SBF1: variants seen among roughly 807,000 people sequenced by gnomAD.
SBF1 encodes SET binding factor 1.
A neutral mutation model predicts 215.8 loss-of-function variants in SBF1; 65 were observed. The observed-to-expected ratio is 0.30, with a 90% CI of 0.25 to 0.37. The LOEUF is 0.37. Among genes scored for constraint, SBF1 ranks in the 10% least tolerant of loss-of-function variants. The pLI is 1.00. For synonymous variants in SBF1, 1,410 were observed against 1,122.8 expected (o/e 1.26, Z -5.11); for missense variants, 2,634 against 2,667.8 (o/e 0.99, Z 0.28).
At chr22:50,467,244 G>A (rs1248532009) in intron 5 of SBF1, 94 bp downstream of exon 5, 2 of 1,031,994 alleles carry the variant, frequency 1.9e-6, no homozygotes, top group East Asian at 4.8e-5. Flanking sequence ...AAGGCCTCCA[G>A]CTGTGTGTGG....
chr22:50,456,943 G>A (rs1489670238), intron 29 of SBF1, 91 bp downstream of exon 29: 43 of 1,094,940 alleles, frequency 3.9e-5, no homozygotes, highest in South Asian at 5.7e-5. Context: ...GGTGTGGAGG[G>A]AGACATTAGT....
chr22:50,460,259 C>T lies in SBF1; in HGVS notation c.3283+13G>A, dbSNP rs763961105. 6.2e-7 allele frequency: 1 copy of T among 1,601,454 alleles called. No homozygotes were observed. Among genetic ancestry groups the T allele is most frequent in the Non-Finnish European group, 8.5e-7 (1 of 1,171,902 alleles). On this transcript the variant is annotated intron_variant, in intron 25 of 40. Transcript: ENST00000380817. ...TCCAGAGACCACCCAGGACTCCACC[C>T]CCACCCCTCCACCTGAGATCTCGTC...
chr22:50,461,328 G>A (rs55969137), intron 22 of SBF1, 42 bp from the exon 23 acceptor site: 4 of 998,822 alleles, frequency 4.0e-6, no homozygotes, highest in Non-Finnish European at 5.0e-6. Context: ...GGAAGGTAAG[G>A]GGGGGGGGGT....
chr22:50,457,309 C>T (rs547124850), intron 28 of SBF1, 198 bp from the exon 29 acceptor site: 17 of 459,276 alleles, frequency 3.7e-5, no homozygotes, highest in Admixed American at 3.0e-4. Context: ...CAGGGCAGGC[C>T]GCAGAGCACT....
intron 28 of SBF1, chr22:50,457,418 G>A: frequency 5.9e-6 from 2 of 339,018 alleles, no homozygotes; most frequent in Non-Finnish European, 1.1e-5. Flanking sequence ...CTGTCTCTGA[G>A]TCCCTCCCTC....
chr22:50,445,842 C>G lies in SBF1; in HGVS notation c.*1300G>C, dbSNP rs1338733589. On this transcript the variant is annotated 3_prime_UTR_variant, in exon 41 of 41. Transcript: ENST00000380817. ...CCACCAGGGGAGGGTCTTGGCCCCC[C>G]ACCTGCCAGCACTGGGCCCTGCCTC... 6.5e-6 allele frequency: 1 copy of G among 152,774 alleles called. No individual in the cohort carries two copies. Among genetic ancestry groups the G allele is most frequent in the Non-Finnish European group, 1.5e-5 (1 of 68,488 alleles). The allele number at this position is 152,774 out of a possible 1,614,324, so 9.5% of individuals were successfully genotyped here. A position where few individuals can be genotyped will look rare whatever the true frequency, so the allele number is the denominator to read the frequency against.
In SBF1 at chr22:50,463,449, G is replaced by A; in HGVS notation, c.1750-17C>T. 5.8e-6 allele frequency: 9 copies of A among 1,553,092 alleles called. No individual in the cohort carries two copies. The highest frequency in any genetic ancestry group is 7.9e-6 in the Non-Finnish European group (9 of 1,146,392). On this transcript the variant is annotated splice_polypyrimidine_tract_variant and intron_variant, in intron 15 of 40. Coordinates refer to ENST00000380817, the MANE Select transcript of SBF1 (RefSeq NM_002972.4). ...TGGGAGCAGCTGGGGGTGGGGAAAG[G>A]AGACACGGGCTGAGGGCACAGAGAA...
In SBF1 at chr22:50,448,585, C is replaced by T. The variant is rs188837124; in HGVS notation, c.5109G>A (p.Arg1703=). ...CCTCGAGGCGCTGTGCAGCCTTCACCCGGTCCCAGGTGTCCTTCCAGCGCT... is the reference window on the plus strand; with the variant it reads ...CCTCGAGGCGCTGTGCAGCCTTCACTCGGTCCCAGGTGTCCTTCCAGCGCT... ...PAERWKDTWD[R]VKAAQRLEGR... The change falls in exon 37 of 41, where the codon CGG becomes CGA. Residue 1703 remains arginine (R), a synonymous_variant. Coordinates refer to ENST00000380817, the MANE Select transcript of SBF1 (RefSeq NM_002972.4). The T allele has an allele frequency of 2.5e-4, 401 of 1,612,160 alleles. 1 individual carries two copies. In the African/African-American group the frequency reaches 4.9e-3, roughly 20 times the overall value.
chr22:50,454,992 C>T (rs1200051147), intron 34 of SBF1, 24 bp downstream of exon 34: 1 of 1,613,882 alleles, frequency 6.2e-7, no homozygotes, highest in Non-Finnish European at 8.5e-7. Context: ...CCCGTGGCTG[C>T]CCCAGCCCCG....
chr22:50,450,850 G>T, intron 36 of SBF1, among the ~76,000 whole-genome samples: 1 of 152,234 alleles, frequency 6.6e-6, no homozygotes, highest in East Asian at 1.9e-4. Context: ...GCTCCCGCCT[G>T]TAAGCCCAGC....
In SBF1 at chr22:50,455,118, A is replaced by T. The variant is rs997328600; in HGVS notation, c.4579T>A (p.Phe1527Ile). ...HQVHLQFPME[F>I]EFSQFYLKFL... is the part of the protein sequence containing the mutation. ...TTGAGGTAGAACTGGCTGAACTCAA[A>T]CTCCATGGGGAACTGCAGGTGGACC... The change falls in exon 34 of 41, where the codon TTT (phenylalanine) becomes ATT (isoleucine). Residue 1527 changes from phenylalanine (F) to isoleucine (I), a missense_variant. Physicochemically the swap from Phe to Ile is conservative, Grantham distance 21. Coordinates refer to ENST00000380817, the MANE Select transcript of SBF1 (RefSeq NM_002972.4). The T allele has an allele frequency of 6.2e-7, 1 of 1,614,042 alleles. No individual in the cohort carries two copies. The highest frequency in any genetic ancestry group is 8.5e-7 in the Non-Finnish European group (1 of 1,180,012).
intron 28 of SBF1, among the ~76,000 whole-genome samples, chr22:50,458,274 CAGCGTGGGTGACAGAGAA>C (rs1456270073): frequency 4.2e-5 from 6 of 141,968 alleles, no homozygotes; most frequent in South Asian, 4.4e-4. Flanking sequence ...CACCGCACTC[CAGCGTGGGTGACAGAGAA>C]AGACTCCGAC....
chr22:50,460,589 C>T lies in SBF1; in HGVS notation c.3091G>A (p.Ala1031Thr). The T allele has an allele frequency of 6.2e-7, 1 of 1,614,126 alleles. No homozygotes were observed. The highest frequency in any genetic ancestry group is 1.1e-5 in the South Asian group (1 of 91,090). Residue 1031 changes from alanine (A) to threonine (T), a missense_variant, in exon 24 of 41, where the codon GCC becomes ACC. Physicochemically the swap from Ala to Thr is moderately conservative, Grantham distance 58 (BLOSUM62 0). Transcript: ENST00000380817. ...CGCGGTGGCCGGCCAGGTGTGTGGG[C>T]AGAGCCCAAGGTGAACGCAAAGGTG... is the stretch of plus-strand genomic sequence containing the variant. The part of the protein sequence containing the change: ...RATFAFTLGS[A>T]HTPGRPPRVT...
intron 1 of SBF1, among the ~76,000 whole-genome samples, chr22:50,473,841 T>C (rs1730255163): frequency 6.6e-6 from 1 of 152,168 alleles, no homozygotes; most frequent in African/African-American, 2.4e-5. Context: ...TCCCAGCCTC[T>C]CTGAGCCGGC....
intron 1 of SBF1, among the ~76,000 whole-genome samples, chr22:50,474,026 T>C (rs1413614817): frequency 6.6e-6 from 1 of 152,182 alleles, no homozygotes; most frequent in East Asian, 1.9e-4. Context: ...CTGTTGCTGA[T>C]GTCATCGTCA....
intron 31 of SBF1, 61 bp from the exon 32 acceptor site, chr22:50,455,643 C>A: frequency 4.3e-6 from 6 of 1,406,852 alleles, no homozygotes; most frequent in Non-Finnish European, 5.9e-6. Context: ...TGGCCACTCA[C>A]CAGGCCAGAG....
chr22:50,459,362 T>C lies in SBF1; in HGVS notation c.3719A>G (p.Glu1240Gly), dbSNP rs1306357384. 13 of 1,612,518 alleles carry C rather than the reference T, an allele frequency of 8.1e-6. No individual in the cohort carries two copies. The highest frequency in any genetic ancestry group is 1.0e-5 in the Non-Finnish European group (12 of 1,179,466). The stretch of plus-strand genomic sequence containing the variant: ...CACAGCCTGCAGGTACTTCTCCTGC[T>C]CCAGGCTACTCGAGTCCGCCTGGGA... ...GQSQADSSSL[E>G]QEKYLQAVVS... Residue 1240 changes from glutamate (E) to glycine (G), a missense_variant, in exon 28 of 41, where the codon GAG becomes GGG. Transcript: ENST00000380817.
rs1194632724 is a variant in SBF1, at chr22:50,464,758, G to A, written c.1432-20C>T. ...GTTCTCCTGTGGGGAGACGGCAGGT[G>A]TGGGGCAGGGGCCCAGGGATCAAGG... On this transcript the variant is annotated intron_variant, in intron 13 of 40. Transcript: ENST00000380817. 3.1e-6 allele frequency: 5 copies of A among 1,609,386 alleles called. No individual in the cohort carries two copies. The South Asian group carries it at 3.3e-5, about 11-fold the overall frequency.
At position 50,462,048 on chromosome 22, in the gene SBF1, G is replaced by T. The variant is rs371753062; in HGVS notation, c.2468C>A (p.Ala823Asp). The change falls in exon 20 of 41, where the codon GCT becomes GAT. Residue 823 changes from alanine to aspartate, a missense_variant. Ala to Asp is a moderately radical substitution (Grantham distance 126). Coordinates refer to ENST00000380817, the MANE Select transcript of SBF1 (RefSeq NM_002972.4). ...GFEDAETCDVAGAVVRFINRF... is the reference protein window; with the variant it reads ...GFEDAETCDVDGAVVRFINRF... ...GTTGATGAAGCGGACCACAGCCCCA[G>T]CTACGTCGCAGGTCTCTGCATCCTC... The T allele has an allele frequency of 1.2e-6, 2 of 1,614,074 alleles. No homozygotes were observed. Among genetic ancestry groups the T allele is most frequent in the African/African-American group, 2.7e-5 (2 of 74,942 alleles).
Sources: allele counts gnomAD v4.1 joint callset (sites outside exome capture counted in the v4.1 genomes callset), GRCh38; gene constraint gnomAD v4.1.1; transcripts MANE v1.5; gene names NCBI Gene and HGNC (gene_info 2026-07-23, HGNC 2026-07-21).